The following KCNIP2 variants were observed in gnomAD, a reference collection of about 807,000 sequenced individuals.
The protein encoded by KCNIP2 is A-type potassium channel modulatory protein KCNIP2.
Under a neutral mutation model 39.0 loss-of-function variants are expected in KCNIP2, and 19 were observed. The observed-to-expected ratio is 0.49, with a 90% confidence interval of 0.34 to 0.71. The LOEUF is 0.71. Ranked by LOEUF, KCNIP2 falls within the 30% of genes least tolerant of loss-of-function variation. The probability of loss-of-function intolerance (pLI) is 0.01; values close to 1 mark genes in which losing one functional copy is unlikely to be tolerated. For synonymous variants in KCNIP2, 111 were observed against 131.2 expected (o/e 0.85, Z 1.05); for missense variants, 261 against 346.0 (o/e 0.75, Z 1.95).
At chr10:101,837,775 GC>G (rs753278573) in intron 1 of KCNIP2, among the ~76,000 whole-genome samples, 69 of 152,254 alleles carry the variant, frequency 4.5e-4, no homozygotes, top group Non-Finnish European at 4.1e-4. Flanking sequence ...GAATCCTAGG[GC>G]CTACAGCTTA....
chr10:101,829,354 G>T, intron 3 of KCNIP2, 155 bp from the exon 4 acceptor site: 2 of 977,756 alleles, frequency 2.0e-6, no homozygotes, highest in Non-Finnish European at 2.9e-6. Context: ...GGACACTGAG[G>T]TAAGGAGAAA....
At chr10:101,836,080 G>C (rs2066146665) in intron 1 of KCNIP2, among the ~76,000 whole-genome samples, 1 of 152,126 alleles carries the variant, frequency 6.6e-6, no homozygotes, top group Admixed American at 6.5e-5. Flanking sequence ...GGATGACTGT[G>C]TCTCAGCCCA....
intron 1 of KCNIP2, among the ~76,000 whole-genome samples, chr10:101,840,610 A>G (rs956322662): frequency 1.5e-5 from 2 of 129,804 alleles, no homozygotes; most frequent in African/African-American, 5.9e-5. Context: ...CATCTCTATC[A>G]GGTTAGACCC....
rs1157277801 is a variant in KCNIP2 at position 101,826,291 on chromosome 10, A to T, written c.*1062T>A. Reference sequence around the variant, plus strand: ...GAGACCCTAGGGAACTGAGGAGGTTATCTGGGGTGGGGTGGGGAGAGCCCA... The same window carrying T: ...GAGACCCTAGGGAACTGAGGAGGTTTTCTGGGGTGGGGTGGGGAGAGCCCA... On this transcript the variant is annotated 3_prime_UTR_variant, in exon 10 of 10. Coordinates refer to ENST00000356640, the MANE Select transcript of KCNIP2 (RefSeq NM_173191.3). 7.2e-5 allele frequency: 11 copies of T among 152,594 alleles called. No individual in the cohort carries two copies. Among genetic ancestry groups the T allele is most frequent in the Non-Finnish European group, 1.5e-4 (10 of 68,098 alleles). The allele number at this position is 152,594 out of a possible 1,614,324, so 9.5% of individuals were successfully genotyped here. A position where few individuals can be genotyped will look rare whatever the true frequency, so the allele number is the denominator to read the frequency against.
chr10:101,831,502 T>C (rs1056795505), intron 1 of KCNIP2, among the ~76,000 whole-genome samples: 2 of 152,066 alleles, frequency 1.3e-5, no homozygotes, highest in African/African-American at 2.4e-5. Flanking sequence ...AACCCAAGGA[T>C]TGCCTGGGTA....
At chr10:101,836,936 G>A (rs2066179907) in intron 1 of KCNIP2, among the ~76,000 whole-genome samples, 1 of 151,730 alleles carries the variant, frequency 6.6e-6, no homozygotes, top group African/African-American at 2.4e-5. Context: ...ACTCCAGCCT[G>A]AGCAACAGAG....
intron 1 of KCNIP2, among the ~76,000 whole-genome samples, chr10:101,836,259 C>T (rs532517040): frequency 2.0e-5 from 3 of 150,808 alleles, no homozygotes; most frequent in Admixed American, 2.0e-4. Context: ...ACGCTTCACA[C>T]AGGCTTTTTT....
In KCNIP2 at chr10:101,829,977, C is replaced by T. The variant is rs1448267204; in HGVS notation, c.170-80G>A. ...CACACCTGGCCCCTCACACTCAGAG[C>T]AAACCTCACAACCCAGCCCGTGCAA... is the stretch of plus-strand genomic sequence containing the variant. On this transcript the variant is annotated intron_variant, in intron 2 of 9. Coordinates refer to ENST00000356640, the MANE Select transcript of KCNIP2 (RefSeq NM_173191.3). 4 of 1,495,802 alleles carry T rather than the reference C, an allele frequency of 2.7e-6. No individual in the cohort carries two copies. In the South Asian group the frequency reaches 4.9e-5, roughly 18 times the overall value. 92.7% of individuals were successfully genotyped at this position (1,495,802 alleles called of 1,614,324 possible).
chr10:101,830,344 G>T (rs2065924057), intron 2 of KCNIP2: 3 of 1,201,986 alleles, frequency 2.5e-6, no homozygotes, highest in East Asian at 6.2e-5. Context: ...TCACCATCCT[G>T]TCGGGGCATA....
intron 1 of KCNIP2, among the ~76,000 whole-genome samples, chr10:101,839,524 C>CCCCT (rs767065684): frequency 2.0e-5 from 3 of 152,182 alleles, no homozygotes; most frequent in Admixed American, 6.5e-5. Flanking sequence ...GACCTTGATG[C>CCCCT]CCCTCTCCTT....
At chr10:101,830,559 C>T in intron 2 of KCNIP2, 1 of 827,010 alleles carries the variant, frequency 1.2e-6, no homozygotes, top group South Asian at 1.8e-5. Flanking sequence ...GGAGCGGTGA[C>T]ACACACCCGC....
chr10:101,832,145 T>C (rs1322489873), intron 1 of KCNIP2, among the ~76,000 whole-genome samples: 2 of 152,178 alleles, frequency 1.3e-5, no homozygotes, highest in African/African-American at 4.8e-5. Context: ...ATAGTAAACT[T>C]TGTGGCAATA....
Position 101,827,390 on chromosome 10 carries a change from ATGT to A in KCNIP2, c.773_775del (p.Asn258del). ...GTCAAAGAGCTGCATGGACCTCATG[ATGT>A]TCTCATCCTGTGGCCATGATGTGAG... On this transcript the variant is annotated inframe_deletion, in exon 10 of 10. Coordinates refer to ENST00000356640, the MANE Select transcript of KCNIP2 (RefSeq NM_173191.3). 6.2e-7 allele frequency: 1 copy of A among 1,606,020 alleles called. No homozygotes were observed. Among genetic ancestry groups the A allele is most frequent in the Non-Finnish European group, 8.5e-7 (1 of 1,173,700 alleles).
chr10:101,830,637 T>G (rs1201651369), intron 2 of KCNIP2, among the ~76,000 whole-genome samples: 1 of 151,158 alleles, frequency 6.6e-6, no homozygotes, highest in Admixed American at 6.6e-5. Context: ...CGCCCCCTTA[T>G]GCTCCAGCCT....
At chr10:101,836,274 CTTTTTTTTT>C (rs976487755) in intron 1 of KCNIP2, among the ~76,000 whole-genome samples, 2 of 124,660 alleles carry the variant, frequency 1.6e-5, no homozygotes, top group Non-Finnish European at 3.4e-5. Flanking sequence ...TTTTTTTTCT[CTTTTTTTTT>C]TTTTTTTTTT....
intron 1 of KCNIP2, among the ~76,000 whole-genome samples, chr10:101,837,853 A>C (rs2066211843): frequency 6.6e-6 from 1 of 152,196 alleles, no homozygotes; most frequent in Non-Finnish European, 1.5e-5. Flanking sequence ...CTTGAATGCC[A>C]AGCCAGACTA....
rs755025719 is a variant in KCNIP2, at chr10:101,827,324, C to T, written c.*29G>A. On this transcript the variant is annotated 3_prime_UTR_variant, in exon 10 of 10. Transcript: ENST00000356640. Reference sequence around the variant, plus strand: ...GACTAGGGTTAGAGCATGGTCCCCCCAGGAAACACTGACCCCCTCTCCTGG... The same window carrying T: ...GACTAGGGTTAGAGCATGGTCCCCCTAGGAAACACTGACCCCCTCTCCTGG... 1.9e-6 allele frequency: 3 copies of T among 1,587,194 alleles called. No homozygotes were observed. In the Admixed American group the frequency reaches 5.2e-5, roughly 27 times the overall value.
chr10:101,828,951 C>A lies in KCNIP2; in HGVS notation c.348+124G>T. 1 of 1,517,784 alleles carries A rather than the reference C, an allele frequency of 6.6e-7. No homozygotes were observed. The allele number at this position is 1,517,784 out of a possible 1,614,324, so 94.0% of individuals were successfully genotyped here. ...CAGAACCTCCAGCTAGAAGTTCAGT[C>A]TCAGGGCCTTGCCTCCCTTCCGCCC... On this transcript the variant is annotated intron_variant, in intron 4 of 9. Coordinates refer to ENST00000356640, the MANE Select transcript of KCNIP2 (RefSeq NM_173191.3). This position sits in a 1 kb window ranked among gnomAD's most constrained non-coding sequence, Gnocchi z 6.6.
Position 101,834,385 on chromosome 10 carries a change from T to C in KCNIP2, c.74-3218A>G, listed in dbSNP as rs561126698. The stretch of plus-strand genomic sequence containing the variant: ...CCAGGTTCATGGTGGGCCTGGGGCA[T>C]GGCCCCTACAGGGCCCAGGTTCAGA... On this transcript the variant is annotated intron_variant, in intron 1 of 9. Transcript: ENST00000356640. The C allele has an allele frequency of 2.3e-5, 9 of 399,274 alleles. 1 individual carries two copies. Among genetic ancestry groups the C allele is most frequent in the East Asian group, 1.4e-4 (4 of 28,082 alleles). 24.7% of individuals were successfully genotyped at this position (399,274 alleles called of 1,614,324 possible).
Sources: gnomAD v4.1 joint callset for allele counts (sites outside exome capture counted in the v4.1 genomes callset) on GRCh38, gnomAD v4.1.1 for gene constraint, Gnocchi (gnomAD v3.1) non-coding constraint, MANE v1.5 for transcripts, NCBI Gene and HGNC (gene_info 2026-07-23, HGNC 2026-07-21) for gene names.